Variants in DLGAP1 observed in about 807,000 individuals in gnomAD.
DLGAP1 encodes disks large-associated protein 1.
Under a neutral mutation model 90.8 loss-of-function variants are expected in DLGAP1, and 11 were observed. The observed-to-expected ratio is 0.12, with a 90% CI of 0.08 to 0.20. The LOEUF (loss-of-function observed/expected upper bound fraction) is 0.20. Ranked by LOEUF, DLGAP1 falls within the 10% of genes least tolerant of loss-of-function variation. DLGAP1 has a pLI of 1.00. For synonymous variants in DLGAP1, 558 were observed against 540.7 expected, an observed-to-expected ratio of 1.03 and a Z score of -0.44; for missense variants, 1,050 against 1,333.8, an observed-to-expected ratio of 0.79 and a Z score of 3.31.
intron 1 of DLGAP1, among the ~76,000 whole-genome samples, chr18:4,176,017 C>T (rs1360032098): frequency 6.6e-6 from 1 of 152,088 alleles, no homozygotes; most frequent in Non-Finnish European, 1.5e-5. Flanking sequence ...TTACTTTGGG[C>T]AGTATGGCCA....
chr18:3,839,800 C>A lies in DLGAP1; in HGVS notation c.958-25527G>T, dbSNP rs192905657. ...AGCTCCTTTTGTTTCTGGGACACAC[C>A]TCCTCTTTTCTAAGATTCATGCCTG... On this transcript the variant is annotated intron_variant, in intron 4 of 12. Transcript: ENST00000315677. 2.6e-5 allele frequency among the ~76,000 whole-genome samples: 4 copies of A among 152,274 alleles called. No homozygotes were observed. In the East Asian group the frequency reaches 7.7e-4, roughly 29 times the overall value.
At chr18:4,258,740 T>C (rs534467586) in intron 1 of DLGAP1, among the ~76,000 whole-genome samples, 21 of 152,282 alleles carry the variant, frequency 1.4e-4, no homozygotes, top group Admixed American at 2.6e-4. Flanking sequence ...TACTGCTCCT[T>C]ATTGTAGTGC....
chr18:3,844,269 G>A (rs1229448375), intron 4 of DLGAP1, among the ~76,000 whole-genome samples: 1 of 152,196 alleles, frequency 6.6e-6, no homozygotes, highest in Non-Finnish European at 1.5e-5. Flanking sequence ...GATTTTTCAG[G>A]TGACATGGCA....
intron 7 of DLGAP1, among the ~76,000 whole-genome samples, chr18:3,664,308 G>T (rs774783227): frequency 4.0e-5 from 6 of 151,838 alleles, no homozygotes; most frequent in African/African-American, 4.8e-5. Context: ...CAGAAGAATT[G>T]CCCAGCTGAA....
chr18:3,814,938 C>T (rs1598856921), intron 4 of DLGAP1, among the ~76,000 whole-genome samples: 1 of 152,128 alleles, frequency 6.6e-6, no homozygotes, highest in Non-Finnish European at 1.5e-5. Flanking sequence ...TTGTAATAGG[C>T]TCATAAATAT....
At chr18:3,904,544 A>C (rs2071853910) in intron 3 of DLGAP1, among the ~76,000 whole-genome samples, 1 of 152,206 alleles carries the variant, frequency 6.6e-6, no homozygotes, top group African/African-American at 2.4e-5. Context: ...GAACTGTAAC[A>C]GCATTGATCA....
At chr18:3,573,775 T>C (rs188489099) in intron 8 of DLGAP1, among the ~76,000 whole-genome samples, 78 of 152,274 alleles carry the variant, frequency 5.1e-4, no homozygotes, top group African/African-American at 1.9e-3. Context: ...AATCATGGCT[T>C]ACTGCCACTG....
chr18:3,733,379 T>C (rs2062516968), intron 6 of DLGAP1, among the ~76,000 whole-genome samples: 1 of 152,192 alleles, frequency 6.6e-6, no homozygotes, highest in South Asian at 2.1e-4. Flanking sequence ...ACTTTGAATT[T>C]TGAGTTTAGA....
intron 7 of DLGAP1, among the ~76,000 whole-genome samples, chr18:3,616,910 T>C (rs541108747): frequency 3.9e-5 from 6 of 152,290 alleles, no homozygotes; most frequent in African/African-American, 1.4e-4. Context: ...ACAGGTGATG[T>C]AACTTTTACC....
At chr18:4,244,121 A>G (rs192522859) in intron 1 of DLGAP1, among the ~76,000 whole-genome samples, 2 of 152,252 alleles carry the variant, frequency 1.3e-5, no homozygotes, top group Admixed American at 1.3e-4. Context: ...TCTCTTATCT[A>G]ATACATAGTC....
At chr18:3,747,149 G>A (rs1012874315) in intron 5 of DLGAP1, among the ~76,000 whole-genome samples, 1 of 152,134 alleles carries the variant, frequency 6.6e-6, no homozygotes, top group African/African-American at 2.4e-5. Context: ...CTTGAGCCCA[G>A]ACCAGCCTGG....
In DLGAP1 at chr18:4,339,586, C is replaced by T. The variant is rs11873598; in HGVS notation, c.-267+115420G>A. 4.6e-3 allele frequency among the ~76,000 whole-genome samples: 703 copies of T among 152,246 alleles called. 3 individuals carry two copies. Among genetic ancestry groups the T allele is most frequent in the African/African-American group, 0.016 (659 of 41,550 alleles). On this transcript the variant is annotated intron_variant, in intron 1 of 12. Coordinates refer to ENST00000315677, the MANE Select transcript of DLGAP1 (RefSeq NM_004746.4). ...TGATCACACAATAATGAGCTCACTC[C>T]AGTTTCCAATTATATTATGAAATAT...
chr18:3,650,672 C>T (rs542134066), intron 7 of DLGAP1, among the ~76,000 whole-genome samples: 1 of 152,304 alleles, frequency 6.6e-6, no homozygotes, highest in East Asian at 1.9e-4. Flanking sequence ...GACACACTGC[C>T]ACCTACCACG....
At position 3,587,799 on chromosome 18, in the gene DLGAP1, A is replaced by AG. The variant is rs1213192530; in HGVS notation, c.1592-5552dup. ...CAACTCCGCACACACCAGCTTTAAG[A>AG]GCTGTAACACTCACCATGAGGGTCC... On this transcript the variant is annotated intron_variant, in intron 7 of 12. Transcript: ENST00000315677. 3.3e-5 allele frequency among the ~76,000 whole-genome samples: 5 copies of AG among 152,310 alleles called. No individual in the cohort carries two copies. The East Asian group carries it at 9.7e-4, about 29-fold the overall frequency.
At position 3,879,691 on chromosome 18, in the gene DLGAP1, C is replaced by T. The variant is rs1004441485; in HGVS notation, c.378G>A (p.Thr126=). The part of the protein sequence containing the change: ...DGYHTLQYKR[T]AVEHRSDSPG... ...GGCTGTCGCTGCGGTGCTCCACGGC[C>T]GTGCGCTTGTACTGCAGGGTGTGAT... is the stretch of plus-strand genomic sequence containing the variant. The change falls in exon 4 of 13, where the codon ACG becomes ACA. Residue 126 remains threonine (T), a synonymous_variant. Coordinates refer to ENST00000315677, the MANE Select transcript of DLGAP1 (RefSeq NM_004746.4). This position sits in a 1 kb window ranked among gnomAD's most constrained non-coding sequence, Gnocchi z 6.6. The T allele has an allele frequency of 3.1e-6, 5 of 1,607,776 alleles. No individual in the cohort carries two copies. Among genetic ancestry groups the T allele is most frequent in the East Asian group, 2.2e-5 (1 of 44,844 alleles).
At chr18:3,788,259 G>A (rs573444300) in intron 5 of DLGAP1, among the ~76,000 whole-genome samples, 2 of 152,262 alleles carry the variant, frequency 1.3e-5, no homozygotes, top group Admixed American at 1.3e-4. Context: ...AAATTTGATC[G>A]TATCGGGAAA....
At chr18:4,100,787 C>T (rs535434539) in intron 2 of DLGAP1, among the ~76,000 whole-genome samples, 2 of 152,326 alleles carry the variant, frequency 1.3e-5, no homozygotes, top group African/African-American at 2.4e-5. Context: ...TTCACTTTCA[C>T]TTTTATGTTA....
intron 1 of DLGAP1, among the ~76,000 whole-genome samples, chr18:4,181,627 C>A (rs924946903): frequency 1.3e-5 from 2 of 152,176 alleles, no homozygotes; most frequent in Non-Finnish European, 2.9e-5. Context: ...GTAAGTACCA[C>A]TATATCTGGA....
chr18:4,276,282 T>C (rs779981995), intron 1 of DLGAP1, among the ~76,000 whole-genome samples: 1 of 151,952 alleles, frequency 6.6e-6, no homozygotes, highest in Non-Finnish European at 1.5e-5. Flanking sequence ...TGGAGAATTG[T>C]AATGAGCTCT....
Sources: allele counts gnomAD v4.1 joint callset (sites outside exome capture counted in the v4.1 genomes callset), GRCh38; gene constraint gnomAD v4.1.1; non-coding constraint Gnocchi (gnomAD v3.1); transcripts MANE v1.5; gene names NCBI Gene and HGNC (gene_info 2026-07-23, HGNC 2026-07-21).